SASH1: variants seen among roughly 807,000 people sequenced by gnomAD.
SASH1 encodes SAM and SH3 domain-containing protein 1.
A neutral mutation model predicts 125.2 loss-of-function variants in SASH1; 44 were observed. The ratio of observed to expected loss-of-function variants is 0.35; its 90% CI spans 0.28 to 0.45. The LOEUF (loss-of-function observed/expected upper bound fraction) is 0.45. Among genes scored for constraint, SASH1 ranks in the 20% least tolerant of loss-of-function variants. The pLI is 1.00. For synonymous variants in SASH1, 639 were observed against 649.1 expected (o/e 0.98, Z 0.24); for missense variants, 1,426 against 1,614.5 (o/e 0.88, Z 2.00).
At chr6:148,414,093 T>G (rs898360021) in intron 2 of SASH1, among the ~76,000 whole-genome samples, 1 of 152,078 alleles carries the variant, frequency 6.6e-6, no homozygotes, top group African/African-American at 2.4e-5. Flanking sequence ...ATAAAATTTG[T>G]GTCTGTACTT....
chr6:148,511,341 A>G (rs1780115281), intron 8 of SASH1, among the ~76,000 whole-genome samples: 1 of 148,022 alleles, frequency 6.8e-6, no homozygotes, highest in South Asian at 2.3e-4. Flanking sequence ...ACACACACAC[A>G]CACACACACA....
chr6:148,434,805 T>C (rs1776226438), intron 2 of SASH1, among the ~76,000 whole-genome samples: 3 of 152,108 alleles, frequency 2.0e-5, no homozygotes, highest in African/African-American at 7.2e-5. Context: ...CAGCCACCAG[T>C]GTTGTGTGGC....
At chr6:148,246,131 CCTGT>C in the SASH1 span, among the ~76,000 whole-genome samples, 146 of 152,194 alleles carry the variant, frequency 9.6e-4, no homozygotes, top group Middle Eastern at 6.8e-3. Flanking sequence ...TCTCTCTCTC[CCTGT>C]CTCTCTCTCC....
At chr6:148,275,350 C>T (rs1476963477) in intron 1 of SASH1, among the ~76,000 whole-genome samples, 1 of 152,180 alleles carries the variant, frequency 6.6e-6, no homozygotes, top group African/African-American at 2.4e-5. Context: ...CCTGCTGCTT[C>T]CTTGAATGGT....
At chr6:148,534,964 C>T in intron 16 of SASH1, 63 bp downstream of exon 16, 2 of 1,549,454 alleles carry the variant, frequency 1.3e-6, no homozygotes, top group Non-Finnish European at 1.8e-6. Context: ...CCCACGTATG[C>T]TGCCAGTATG....
intron 4 of SASH1, among the ~76,000 whole-genome samples, chr6:148,443,293 G>GT (rs1033303997): frequency 6.0e-5 from 9 of 150,822 alleles, no homozygotes; most frequent in African/African-American, 1.9e-4. Flanking sequence ...TTGTTTTTGT[G>GT]TTTTTTTGCG....
the SASH1 span, among the ~76,000 whole-genome samples, chr6:148,216,639 G>A: frequency 1.3e-5 from 2 of 152,166 alleles, no homozygotes; most frequent in Non-Finnish European, 2.9e-5. Context: ...GATGGGGAGA[G>A]TGTCCCACAG....
At chr6:148,385,911 T>G (rs901625057) in intron 1 of SASH1, among the ~76,000 whole-genome samples, 7 of 152,190 alleles carry the variant, frequency 4.6e-5, no homozygotes, top group African/African-American at 1.7e-4. Context: ...TTCCCCAAGT[T>G]TTCCGAGCCA....
At chr6:148,293,485 C>G (rs1779687138) in intron 1 of SASH1, among the ~76,000 whole-genome samples, 1 of 152,198 alleles carries the variant, frequency 6.6e-6, no homozygotes, top group Admixed American at 6.5e-5. Flanking sequence ...GGATTGGCGC[C>G]ACTTGCTTGG....
rs962498493 is a variant in SASH1 at position 148,495,588 on chromosome 6, A to G, written c.729+7873A>G. Among the ~76,000 whole-genome samples the G allele has an allele frequency of 2.6e-5, 4 of 152,178 alleles. No individual in the cohort carries two copies. Among genetic ancestry groups the G allele is most frequent in the African/African-American group, 9.7e-5 (4 of 41,440 alleles). On this transcript the variant is annotated intron_variant, in intron 8 of 19. Transcript: ENST00000367467. This position sits in a 1 kb window ranked among gnomAD's most constrained non-coding sequence, Gnocchi z 4.0. ...CATGTGGAAAAGTCTGACCGCAAAG[A>G]TTTCTTTAATGGCAGCATATGATGA...
intron 1 of SASH1, among the ~76,000 whole-genome samples, chr6:148,360,685 G>A (rs9498015): frequency 0.26 from 38,547 of 150,792 alleles, 5,190 homozygotes; most frequent in African/African-American, 0.32. Context: ...CTGTGGGGCA[G>A]AAAGAATGGA....
At chr6:148,298,010 A>T (rs1779808501) in intron 1 of SASH1, among the ~76,000 whole-genome samples, 1 of 146,860 alleles carries the variant, frequency 6.8e-6, no homozygotes, top group African/African-American at 2.5e-5. Context: ...ATTATTATAT[A>T]TATATTTTTT....
intron 8 of SASH1, among the ~76,000 whole-genome samples, chr6:148,506,203 G>A (rs1291735615): frequency 2.0e-5 from 3 of 151,826 alleles, no homozygotes; most frequent in African/African-American, 7.2e-5. Flanking sequence ...GCTGGGCTTG[G>A]TGGCTCACGC....
chr6:148,371,757 C>T (rs962412357), intron 1 of SASH1, among the ~76,000 whole-genome samples: 11 of 152,118 alleles, frequency 7.2e-5, no homozygotes, highest in African/African-American at 2.7e-4. Flanking sequence ...TCAGGCCCCT[C>T]CATGCACCTG....
At chr6:148,237,885 G>A in the SASH1 span, among the ~76,000 whole-genome samples, 147 of 152,232 alleles carry the variant, frequency 9.7e-4, no homozygotes, top group African/African-American at 3.2e-3. Flanking sequence ...CCTCCTTGCT[G>A]TTCCTGCTTT....
intron 1 of SASH1, among the ~76,000 whole-genome samples, chr6:148,279,406 T>C (rs1779276526): frequency 6.6e-6 from 1 of 152,226 alleles, no homozygotes; most frequent in African/African-American, 2.4e-5. Flanking sequence ...GCCTAGCACA[T>C]AGTGGACACT....
intron 2 of SASH1, among the ~76,000 whole-genome samples, chr6:148,411,166 C>CAAAAAAAAAAAAAAAAAAAAAAAAAAAAA (rs56342457): frequency 4.3e-5 from 2 of 46,182 alleles, no homozygotes; most frequent in Non-Finnish European, 7.6e-5. Flanking sequence ...ACTCCATCTC[C>CAAAAAAAAAAAAAAAAAAAAAAAAAAAAA]AAAAAAAAAA....
the SASH1 span, among the ~76,000 whole-genome samples, chr6:148,217,846 TAAA>T: frequency 6.5e-5 from 8 of 123,336 alleles, no homozygotes; most frequent in Admixed American, 8.3e-5. Context: ...ATCCCATCTC[TAAA>T]AAAAAAAAAA....
chr6:148,389,549 T>A (rs1338610822), intron 1 of SASH1, among the ~76,000 whole-genome samples: 1 of 152,220 alleles, frequency 6.6e-6, no homozygotes, highest in East Asian at 1.9e-4. Context: ...ATAAAAAGAT[T>A]TTCCACTTTT....
Sources: allele counts gnomAD v4.1 joint callset (sites outside exome capture counted in the v4.1 genomes callset), GRCh38; gene constraint gnomAD v4.1.1; non-coding constraint Gnocchi (gnomAD v3.1); transcripts MANE v1.5; gene names NCBI Gene and HGNC (gene_info 2026-07-23, HGNC 2026-07-21).